Variants in KIAA1217 observed in about 807,000 individuals in gnomAD.
The protein encoded by KIAA1217 is sickle tail protein homolog.
A neutral mutation model predicts 163.9 loss-of-function variants in KIAA1217; 88 were observed. The observed-to-expected ratio is 0.54, with a 90% CI of 0.45 to 0.64. KIAA1217 has a LOEUF of 0.64. Among genes scored for constraint, KIAA1217 ranks in the 30% least tolerant of loss-of-function variants. The pLI is 0.00. For synonymous variants in KIAA1217, 903 were observed against 923.1 expected, an observed-to-expected ratio of 0.98 and a Z score of 0.39; for missense variants, 2,372 against 2,475.0, an observed-to-expected ratio of 0.96 and a Z score of 0.88.
intron 2 of KIAA1217, among the ~76,000 whole-genome samples, chr10:24,167,989 A>G (rs1055010191): frequency 2.6e-5 from 4 of 152,184 alleles, no homozygotes; most frequent in Admixed American, 2.6e-4. Flanking sequence ...AGCCCTCACG[A>G]AAACATCTCT....
intron 1 of KIAA1217, among the ~76,000 whole-genome samples, chr10:23,995,804 T>C (rs374923053): frequency 6.6e-6 from 1 of 152,166 alleles, no homozygotes; most frequent in Non-Finnish European, 1.5e-5. Context: ...ACAGTAAAAA[T>C]GGAGCCCTTA....
chr10:24,535,432 T>C lies in KIAA1217; in HGVS notation c.3415-1342T>C, dbSNP rs57434755. On this transcript the variant is annotated intron_variant, in intron 16 of 20. Coordinates refer to ENST00000376454, the MANE Select transcript of KIAA1217 (RefSeq NM_019590.5). ...GCAGAGATATCTCCAAATGACAACATTTGACATAAAGAAAACACTAGGCAA... is the reference window on the plus strand; with the variant it reads ...GCAGAGATATCTCCAAATGACAACACTTGACATAAAGAAAACACTAGGCAA... 2.8e-3 allele frequency among the ~76,000 whole-genome samples: 433 copies of C among 152,292 alleles called. 2 individuals are homozygous for C. The highest frequency in any genetic ancestry group is 0.01 in the African/African-American group (420 of 41,556).
intron 1 of KIAA1217, among the ~76,000 whole-genome samples, chr10:23,805,588 C>A (rs1274389568): frequency 6.6e-6 from 1 of 152,054 alleles, no homozygotes; most frequent in East Asian, 1.9e-4. Context: ...GGCTTAATAC[C>A]TGGGTGATAA....
At chr10:23,727,280 A>T (rs1838216261) in intron 1 of KIAA1217, among the ~76,000 whole-genome samples, 1 of 151,822 alleles carries the variant, frequency 6.6e-6, no homozygotes, top group African/African-American at 2.4e-5. Context: ...AAATTGTTAA[A>T]CCAGGCATGG....
In KIAA1217 at chr10:24,048,202, T is replaced by A. The variant is rs574933468; in HGVS notation, c.-171+40828T>A. On this transcript the variant is annotated intron_variant, in intron 2 of 18. Transcript: ENST00000376462. ...CATTACTGAGACCAGTTCGTCCAGA[T>A]CCATGTATTACATATCTATATGGGT... is the stretch of plus-strand genomic sequence containing the variant. 3.4e-4 allele frequency among the ~76,000 whole-genome samples: 52 copies of A among 152,332 alleles called. No individual in the cohort carries two copies. In the South Asian group the frequency reaches 7.2e-3, roughly 21 times the overall value.
At chr10:24,279,651 G>A (rs1285044497) in intron 2 of KIAA1217, among the ~76,000 whole-genome samples, 1 of 152,092 alleles carries the variant, frequency 6.6e-6, no homozygotes, top group East Asian at 1.9e-4. Flanking sequence ...AATGAAATTA[G>A]AGCTTCTCAT....
intron 1 of KIAA1217, among the ~76,000 whole-genome samples, chr10:23,738,005 C>G (rs1258688235): frequency 6.6e-6 from 1 of 151,630 alleles, no homozygotes; most frequent in Non-Finnish European, 1.5e-5. Flanking sequence ...ATAAGTCATT[C>G]TAACATATAA....
At chr10:24,362,415 A>T (rs886727132) in intron 2 of KIAA1217, among the ~76,000 whole-genome samples, 1 of 152,246 alleles carries the variant, frequency 6.6e-6, no homozygotes, top group African/African-American at 2.4e-5. Context: ...GGATATTAAC[A>T]GTAAAAGAAA....
chr10:24,457,528 C>A (rs2061932471), intron 5 of KIAA1217, among the ~76,000 whole-genome samples: 1 of 151,974 alleles, frequency 6.6e-6, no homozygotes, highest in African/African-American at 2.4e-5. Context: ...CTTCAAGTAG[C>A]CAGGGTACAG....
intron 1 of KIAA1217, among the ~76,000 whole-genome samples, chr10:23,717,943 T>A (rs1837666971): frequency 6.6e-6 from 1 of 152,218 alleles, no homozygotes; most frequent in Non-Finnish European, 1.5e-5. Context: ...TTAAAATAGA[T>A]GTATCTTTCC....
chr10:24,048,016 G>A (rs1385229511), intron 2 of KIAA1217, among the ~76,000 whole-genome samples: 2 of 152,196 alleles, frequency 1.3e-5, no homozygotes, highest in Non-Finnish European at 2.9e-5. Context: ...TTTTCCAGAA[G>A]CAGCAATGGA....
At chr10:24,035,803 A>G (rs1848373134) in intron 2 of KIAA1217, among the ~76,000 whole-genome samples, 1 of 152,222 alleles carries the variant, frequency 6.6e-6, no homozygotes, top group South Asian at 2.1e-4. Flanking sequence ...ATGTGCTGCC[A>G]AAAAAGCGAA....
intron 2 of KIAA1217, among the ~76,000 whole-genome samples, chr10:24,188,112 G>A (rs1041528666): frequency 1.1e-4 from 17 of 152,186 alleles, no homozygotes; most frequent in Non-Finnish European, 2.2e-4. Context: ...CAGGAGAATC[G>A]CTCAAGCCTG....
intron 2 of KIAA1217, among the ~76,000 whole-genome samples, chr10:24,055,048 C>A (rs1217435387): frequency 6.6e-6 from 1 of 152,074 alleles, no homozygotes; most frequent in African/African-American, 2.4e-5. Context: ...AAGCAGATTG[C>A]TTAAGCTCAG....
chr10:24,489,543 A>AC (rs944498219), intron 6 of KIAA1217, among the ~76,000 whole-genome samples: 22 of 152,114 alleles, frequency 1.4e-4, no homozygotes, highest in African/African-American at 5.3e-4. Flanking sequence ...CTAGTCAAAA[A>AC]AAAAAAAATC....
At chr10:23,778,180 TC>T (rs199929672) in intron 1 of KIAA1217, among the ~76,000 whole-genome samples, 6 of 151,668 alleles carry the variant, frequency 4.0e-5, no homozygotes, top group East Asian at 3.9e-4. Flanking sequence ...ACCTCGTGAT[TC>T]CCCCCCCTTC....
intron 1 of KIAA1217, among the ~76,000 whole-genome samples, chr10:23,712,182 A>C (rs916980274): frequency 1.3e-5 from 2 of 152,116 alleles, no homozygotes; most frequent in African/African-American, 4.8e-5. Flanking sequence ...AGAGGTGAAG[A>C]GAAAATTATG....
chr10:24,166,813 G>A (rs904598545), intron 2 of KIAA1217, among the ~76,000 whole-genome samples: 2 of 152,086 alleles, frequency 1.3e-5, no homozygotes, highest in Non-Finnish European at 2.9e-5. Flanking sequence ...TTAAGGTAAT[G>A]GACATCCCAA....
chr10:24,405,115 T>A (rs535616517), intron 3 of KIAA1217, among the ~76,000 whole-genome samples: 4 of 152,226 alleles, frequency 2.6e-5, no homozygotes, highest in African/African-American at 9.6e-5. Context: ...ATAAAATTAA[T>A]AACAAATACA....
Sources: gnomAD v4.1 joint callset for allele counts (sites outside exome capture counted in the v4.1 genomes callset) on GRCh38, gnomAD v4.1.1 for gene constraint, MANE v1.5 for transcripts, NCBI Gene and HGNC (gene_info 2026-07-23, HGNC 2026-07-21) for gene names.